The following TMEM80 variants were observed in gnomAD, a reference collection of about 807,000 sequenced individuals.
TMEM80 encodes transmembrane protein 80.
In TMEM80, 16 loss-of-function variants were observed where a neutral mutation model predicts 13.6. The observed-to-expected ratio is 1.17, with a 90% confidence interval of 0.79 to 1.78. TMEM80 has a LOEUF of 1.78. TMEM80 is among the 40% of genes most tolerant of loss of function. TMEM80 has a pLI of 0.00. For synonymous variants in TMEM80, 92 were observed against 89.5 expected (o/e 1.03, Z -0.16); for missense variants, 167 against 184.6 (o/e 0.90, Z 0.55).
At chr11:704,627 C>T, downstream of TMEM80, 1 of 1,289,380 alleles carries the variant, frequency 7.8e-7, no homozygotes, top group Non-Finnish European at 1.0e-6. Flanking sequence ...AAGCTGGAGA[C>T]CTGTTGCCTT....
chr11:704,579 C>T, downstream of TMEM80: 1 of 1,286,040 alleles, frequency 7.8e-7, no homozygotes, highest in Non-Finnish European at 1.0e-6. Flanking sequence ...AGGACCCAGC[C>T]CACAAACCAT....
intron 1 of TMEM80, chr11:698,040 TC>T (rs1198389217): frequency 1.3e-5 from 2 of 152,282 alleles, no homozygotes; most frequent in African/African-American, 4.8e-5. Flanking sequence ...CAGGTTGCTG[TC>T]CTGCCTGCCG....
intron 2 of TMEM80, 69 bp from the exon 3 acceptor site, chr11:700,073 C>T (rs1010368473): frequency 2.2e-6 from 3 of 1,358,166 alleles, no homozygotes; most frequent in Non-Finnish European, 3.1e-6. Flanking sequence ...GAACCAGCCC[C>T]TCTTGTTCAG....
chr11:702,628 G>A (rs566086416), intron 4 of TMEM80, among the ~76,000 whole-genome samples: 1 of 152,376 alleles, frequency 6.6e-6, no homozygotes, highest in East Asian at 1.9e-4. Context: ...GGAAAACGTG[G>A]CAGATGCACT....
intron 4 of TMEM80, 128 bp downstream of exon 4, chr11:700,835 T>A (rs1861422548): frequency 1.0e-5 from 9 of 900,866 alleles, no homozygotes; most frequent in Middle Eastern, 2.4e-4. Context: ...GCTTACCCAG[T>A]TGCTTTGCAG....
intron 4 of TMEM80, 71 bp from the exon 5 acceptor site, chr11:702,874 A>C: frequency 6.9e-7 from 1 of 1,441,840 alleles, no homozygotes; most frequent in African/African-American, 1.4e-5. Context: ...GCAGCCCTCC[A>C]GGCACCTGTG....
downstream of TMEM80, chr11:704,711 C>T (rs541860259): frequency 3.0e-5 from 37 of 1,217,958 alleles, no homozygotes; most frequent in African/African-American, 4.2e-4. Flanking sequence ...CCACAGGGAA[C>T]GCCATGGCTC....
At chr11:700,287 G>A (rs1304544141) in intron 3 of TMEM80, 52 bp downstream of exon 3, 1 of 1,528,394 alleles carries the variant, frequency 6.5e-7, no homozygotes, top group East Asian at 2.2e-5. Context: ...AACATTTTGG[G>A]AGGCTGAGGT....
intron 4 of TMEM80, chr11:700,922 G>A: frequency 1.7e-6 from 1 of 598,104 alleles, no homozygotes; most frequent in South Asian, 2.0e-5. Context: ...GCATCGTTGG[G>A]AGAGACTCTG....
downstream of TMEM80, chr11:704,261 G>T: frequency 1.4e-6 from 1 of 738,396 alleles, no homozygotes; most frequent in South Asian, 1.8e-5. Context: ...GGCGCCTTCC[G>T]CTCGGTGGAC....
In TMEM80 at chr11:703,604, GCCCCA is replaced by G. The variant is rs1427761565; in HGVS notation, c.*457_*461del. 4.9e-6 allele frequency: 6 copies of G among 1,232,860 alleles called. No homozygotes were observed. Among genetic ancestry groups the G allele is most frequent in the Non-Finnish European group, 6.1e-6 (6 of 988,754 alleles). The allele number at this position is 1,232,860 out of a possible 1,614,324, so 76.4% of individuals were successfully genotyped here. On this transcript the variant is annotated 3_prime_UTR_variant, in exon 5 of 5. Transcript: ENST00000397510. ...AGATCCCAGTTTACTCCGTGGCCAG[GCCCCA>G]CCTGTGTTTCCAAGTCGGGCTGGAG...
intron 1 of TMEM80, among the ~76,000 whole-genome samples, chr11:698,625 G>T (rs1349201411): frequency 2.0e-5 from 3 of 152,230 alleles, no homozygotes; most frequent in African/African-American, 7.2e-5. Context: ...CCACCCCGGT[G>T]CCCCCGGTAC....
rs759901740 is a variant in TMEM80 at position 700,255 on chromosome 11, A to G, written c.133+20A>G. ...ATAAAAGTAAGTCAGGGACGGGCACAGTGGCTCACGCCTGTAATCCCAACA... is the reference window on the plus strand; with the variant it reads ...ATAAAAGTAAGTCAGGGACGGGCACGGTGGCTCACGCCTGTAATCCCAACA... On this transcript the variant is annotated intron_variant, in intron 3 of 4. Coordinates refer to ENST00000397510, the MANE Select transcript of TMEM80 (RefSeq NM_001042463.3). The G allele has an allele frequency of 4.3e-5, 69 of 1,602,368 alleles. No homozygotes were observed. The highest frequency in any genetic ancestry group is 5.5e-5 in the Non-Finnish European group (65 of 1,172,080).
chr11:704,022 C>T lies in TMEM80; in HGVS notation c.*872C>T. Reference sequence around the variant, plus strand: ...AGCTGTTACAGTAGCTTTCCCTTCACTTGATTCTATTGTGTGTTTTCTATG... The same window carrying T: ...AGCTGTTACAGTAGCTTTCCCTTCATTTGATTCTATTGTGTGTTTTCTATG... On this transcript the variant is annotated 3_prime_UTR_variant, in exon 5 of 5. Transcript: ENST00000397510. 1 of 1,196,518 alleles carries T rather than the reference C, an allele frequency of 8.4e-7. No homozygotes were observed. The highest frequency in any genetic ancestry group is 1.0e-6 in the Non-Finnish European group (1 of 964,360). 74.1% of individuals were successfully genotyped at this position (1,196,518 alleles called of 1,614,324 possible).
Position 703,813 on chromosome 11 carries a change from G to A in TMEM80, c.*663G>A, listed in dbSNP as rs1368535438. On this transcript the variant is annotated 3_prime_UTR_variant, in exon 5 of 5. Coordinates refer to ENST00000397510, the MANE Select transcript of TMEM80 (RefSeq NM_001042463.3). ...TTCTCCCTTCAGGGGCTTCGGAGGA[G>A]AGGTCAGGGCTAAGGCCGGGGATGA... The A allele has an allele frequency of 2.7e-5, 33 of 1,232,940 alleles. No homozygotes were observed. The highest frequency in any genetic ancestry group is 3.3e-5 in the Non-Finnish European group (33 of 989,024). 76.4% of individuals were successfully genotyped at this position (1,232,940 alleles called of 1,614,324 possible).
At chr11:700,310 T>C (rs537920292) in intron 3 of TMEM80, 75 bp downstream of exon 3, 1 of 1,356,978 alleles carries the variant, frequency 7.4e-7, no homozygotes, top group African/African-American at 1.4e-5. Context: ...GCGGATCACT[T>C]GAGGTCAGGA....
intron 4 of TMEM80, among the ~76,000 whole-genome samples, chr11:701,567 C>T (rs185864055): frequency 1.8e-4 from 27 of 152,190 alleles, no homozygotes; most frequent in South Asian, 2.1e-4. Context: ...CCCGCCACCA[C>T]GCCCGGCTCA....
intron 1 of TMEM80, 34 bp downstream of exon 1, chr11:695,880 G>A: frequency 4.9e-6 from 6 of 1,221,176 alleles, no homozygotes; most frequent in Non-Finnish European, 3.1e-6. Context: ...TTCCGGGCTT[G>A]CAGCGGCGGG....
intron 1 of TMEM80, 65 bp downstream of exon 1, chr11:695,911 A>G: frequency 8.5e-7 from 1 of 1,176,352 alleles, no homozygotes; most frequent in Non-Finnish European, 1.1e-6. Context: ...CCCTGTGGTG[A>G]CAATCCGGTT....
Sources: gnomAD v4.1 joint callset for allele counts (sites outside exome capture counted in the v4.1 genomes callset) on GRCh38, gnomAD v4.1.1 for gene constraint, MANE v1.5 for transcripts, NCBI Gene and HGNC (gene_info 2026-07-23, HGNC 2026-07-21) for gene names.